Variants in ENTREP3 observed in about 807,000 individuals in gnomAD.
The protein encoded by ENTREP3 is protein ENTREP3.
At chr1:155,247,282 TCA>T in the ENTREP3 span, 2 of 405,174 alleles carry the variant, frequency 4.9e-6, no homozygotes, top group Non-Finnish European at 9.9e-6. Context: ...CATTCTACCT[TCA>T]CAGTCTTTAA....
At chr1:155,251,454 G>A in the ENTREP3 span, 3 of 1,399,496 alleles carry the variant, frequency 2.1e-6, no homozygotes, top group South Asian at 1.2e-5. Flanking sequence ...AGCTTTCCAG[G>A]CTACAACCCG....
the ENTREP3 span, chr1:155,253,616 C>T: frequency 3.1e-6 from 5 of 1,605,860 alleles, no homozygotes; most frequent in African/African-American, 5.4e-5. Context: ...GCCCCTGCTC[C>T]CTTCTCACCG....
At chr1:155,247,940 A>G in the ENTREP3 span, 1 of 1,601,448 alleles carries the variant, frequency 6.2e-7, no homozygotes, top group Non-Finnish European at 8.5e-7. Flanking sequence ...GGCCGGCCCC[A>G]CAGGCTCCGG....
chr1:155,250,853 A>AGACTG, the ENTREP3 span: 2 of 1,565,454 alleles, frequency 1.3e-6, no homozygotes, highest in Non-Finnish European at 1.7e-6. The surrounding 1 kb of genome is among the most constrained non-coding windows in gnomAD (Gnocchi z 5.4). Flanking sequence ...GTGTAGCACC[A>AGACTG]GCCTGGCCTG....
the ENTREP3 span, chr1:155,248,480 A>T: frequency 6.2e-7 from 1 of 1,612,980 alleles, no homozygotes; most frequent in Non-Finnish European, 8.5e-7. Context: ...TCAGCTGGGG[A>T]GAAGAGAGAA....
the ENTREP3 span, among the ~76,000 whole-genome samples, chr1:155,249,633 A>T: frequency 1.1e-4 from 17 of 151,312 alleles, no homozygotes. Context: ...TAATCCCAGC[A>T]CTTTGGGAGG....
the ENTREP3 span, chr1:155,253,638 T>A: frequency 6.2e-7 from 1 of 1,612,954 alleles, no homozygotes; most frequent in Non-Finnish European, 8.5e-7. Flanking sequence ...ATGCACGAGG[T>A]CCAGGGAGAA....
the ENTREP3 span, chr1:155,255,027 A>G: frequency 1.6e-6 from 1 of 640,776 alleles, no homozygotes; most frequent in Non-Finnish European, 2.7e-6. The surrounding 1 kb of genome is among the most constrained non-coding windows in gnomAD (Gnocchi z 5.6). Context: ...TGGCCGAGGG[A>G]CGCCAGCTGT....
chr1:155,248,237 C>T, the ENTREP3 span: 7 of 1,604,426 alleles, frequency 4.4e-6, no homozygotes, highest in East Asian at 2.2e-5. Flanking sequence ...CTCGGCTGAC[C>T]GGGCACGTAG....
At chr1:155,253,648 A>C in the ENTREP3 span, 1 of 1,613,760 alleles carries the variant, frequency 6.2e-7, no homozygotes, top group East Asian at 2.2e-5. Flanking sequence ...TCCAGGGAGA[A>C]GATTTGGATG....
the ENTREP3 span, chr1:155,248,081 G>C: frequency 1.1e-5 from 18 of 1,614,098 alleles, no homozygotes; most frequent in Non-Finnish European, 1.4e-5. Flanking sequence ...AGTCCCACTG[G>C]GGTCTGGGGC....
At chr1:155,254,654 G>C in the ENTREP3 span, 5 of 1,606,836 alleles carry the variant, frequency 3.1e-6, no homozygotes. This position sits in a 1 kb window ranked among gnomAD's most constrained non-coding sequence, Gnocchi z 4.4. Flanking sequence ...CCAACTCACC[G>C]AGAACCCAGC....
the ENTREP3 span, chr1:155,250,620 C>G: frequency 6.2e-7 from 1 of 1,609,706 alleles, no homozygotes; most frequent in South Asian, 1.1e-5. The surrounding 1 kb of genome is among the most constrained non-coding windows in gnomAD (Gnocchi z 5.4). Flanking sequence ...TGGCAGGGGG[C>G]TTTCCTCGAA....
chr1:155,251,690 T>G, the ENTREP3 span: 7 of 1,609,206 alleles, frequency 4.3e-6, no homozygotes, highest in Non-Finnish European at 6.0e-6. Context: ...CCAGCCCCAG[T>G]CCCCTTCCTT....
the ENTREP3 span, chr1:155,250,746 G>A: frequency 1.2e-6 from 2 of 1,612,828 alleles, no homozygotes; most frequent in Non-Finnish European, 1.7e-6. The surrounding 1 kb of genome is among the most constrained non-coding windows in gnomAD (Gnocchi z 5.4). Context: ...CAGCAGGCAC[G>A]AGTCCTCCGA....
At chr1:155,247,285 C>G in the ENTREP3 span, 11 of 406,822 alleles carry the variant, frequency 2.7e-5, no homozygotes, top group Non-Finnish European at 4.9e-5. Flanking sequence ...TCTACCTTCA[C>G]AGTCTTTAAT....
the ENTREP3 span, chr1:155,254,132 G>A: frequency 3.1e-6 from 5 of 1,614,132 alleles, no homozygotes; most frequent in Non-Finnish European, 4.2e-6. The surrounding 1 kb of genome is among the most constrained non-coding windows in gnomAD (Gnocchi z 4.4). Context: ...TCTTACAGGA[G>A]AGAACAGAGC....
chr1:155,252,714 A>ATT, the ENTREP3 span: 2 of 49,236 alleles, frequency 4.1e-5, no homozygotes, highest in Non-Finnish European at 7.0e-5. Context: ...ATATATATAT[A>ATT]TATATATATT....
chr1:155,250,708 C>CCACGGAGCG, the ENTREP3 span: 138 of 1,613,088 alleles, frequency 8.6e-5, no homozygotes, highest in South Asian at 1.6e-4. This position sits in a 1 kb window ranked among gnomAD's most constrained non-coding sequence, Gnocchi z 5.4. Flanking sequence ...AGAACGTAGT[C>CCACGGAGCG]CACGGAGCGC....
Sources: allele counts gnomAD v4.1 joint callset (sites outside exome capture counted in the v4.1 genomes callset), GRCh38; gene constraint gnomAD v4.1.1; non-coding constraint Gnocchi (gnomAD v3.1); transcripts MANE v1.5; gene names NCBI Gene and HGNC (gene_info 2026-07-23, HGNC 2026-07-21).